DIXDC1: variants seen among roughly 807,000 people sequenced by gnomAD.
DIXDC1 encodes the protein DIX domain containing 1.
A neutral mutation model predicts 103.1 loss-of-function variants in DIXDC1; 64 were observed. The observed-to-expected ratio is 0.62, with a 90% CI of 0.51 to 0.76. The LOEUF (loss-of-function observed/expected upper bound fraction) is 0.76, where lower values mean the gene tolerates loss of function less well. Among genes scored for constraint, DIXDC1 ranks in the 30% least tolerant of loss-of-function variants. DIXDC1 has a pLI of 0.00. For missense variants in DIXDC1, 759 were observed against 834.2 expected (o/e 0.91, Z 1.11); for synonymous variants, 266 against 298.5 (o/e 0.89, Z 1.12).
At chr11:111,935,893 C>G (rs1966172234), upstream of DIXDC1, among the ~76,000 whole-genome samples, 1 of 152,236 alleles carries the variant, frequency 6.6e-6, no homozygotes, top group Admixed American at 6.5e-5. Flanking sequence ...CCCTCTGCCC[C>G]CTGCCTGTTG....
At chr11:112,009,411 C>T (rs1489257983) in intron 17 of DIXDC1, among the ~76,000 whole-genome samples, 2 of 152,170 alleles carry the variant, frequency 1.3e-5, no homozygotes, top group Non-Finnish European at 2.9e-5. Context: ...CCTTCTGAAA[C>T]TATTCCAATC....
At chr11:111,937,167 C>G, upstream of DIXDC1, 1 of 978,786 alleles carries the variant, frequency 1.0e-6, no homozygotes, top group Non-Finnish European at 1.2e-6. Flanking sequence ...GGGCGTGCAG[C>G]GCGCGCCCTC....
At position 111,982,394 on chromosome 11, in the gene DIXDC1, T is replaced by C. The variant is rs1860339762; in HGVS notation, c.825T>C (p.Tyr275=). ...GGCGGCCAGGGAGCCCTGGAACCTA[T>C]CTGGAGACCTCATGGGAAGAACAGC... ...RDWRPGSPGT[Y]LETSWEEQLL... is the part of the protein sequence containing the mutation. The change falls in exon 7 of 20, where the codon TAT becomes TAC. Residue 275 remains tyrosine (Y), a synonymous_variant. Coordinates refer to ENST00000440460, the MANE Select transcript of DIXDC1 (RefSeq NM_001037954.4). The C allele has an allele frequency of 1.9e-6, 3 of 1,613,950 alleles. No individual in the cohort carries two copies. Among genetic ancestry groups the C allele is most frequent in the Middle Eastern group, 1.6e-4 (1 of 6,062 alleles).
chr11:111,986,764 A>G, intron 8 of DIXDC1, 107 bp from the exon 9 acceptor site: 1 of 904,680 alleles, frequency 1.1e-6, no homozygotes, highest in Non-Finnish European at 1.7e-6. Flanking sequence ...CTTTGTATCC[A>G]CAGTACAGAG....
At chr11:112,009,817 A>G (rs782297570) in intron 17 of DIXDC1, among the ~76,000 whole-genome samples, 4 of 152,226 alleles carry the variant, frequency 2.6e-5, no homozygotes, top group Non-Finnish European at 5.9e-5. Flanking sequence ...TCTCAAAATA[A>G]TAAGAGCTAT....
chr11:111,995,242 G>A, intron 15 of DIXDC1, 134 bp downstream of exon 15: 5 of 1,311,542 alleles, frequency 3.8e-6, no homozygotes, highest in Non-Finnish European at 5.3e-6. Flanking sequence ...GTGTAAAGAT[G>A]TGAGGCACTT....
intron 1 of DIXDC1, among the ~76,000 whole-genome samples, chr11:111,929,177 C>T (rs1475445885): frequency 2.0e-5 from 3 of 151,686 alleles, no homozygotes; most frequent in Non-Finnish European, 4.4e-5. Flanking sequence ...AGATTCTGTC[C>T]CCCCAACAAA....
rs782576503 is a variant in DIXDC1 at position 112,018,951 on chromosome 11, T to C, written c.1972-5T>C. 1 of 1,613,050 alleles carries C rather than the reference T, an allele frequency of 6.2e-7. No homozygotes were observed. The highest frequency in any genetic ancestry group is 8.5e-7 in the Non-Finnish European group (1 of 1,179,396). On this transcript the variant is annotated splice_polypyrimidine_tract_variant and splice_region_variant and intron_variant, in intron 19 of 19. Transcript: ENST00000440460. Reference sequence around the variant, plus strand: ...TTCACTGTGGCTTTTTGTTTTTTTCTCTAGATTTTCCATGATGATGATGCC... The same window carrying C: ...TTCACTGTGGCTTTTTGTTTTTTTCCCTAGATTTTCCATGATGATGATGCC...
chr11:111,988,977 A>G (rs375931204), intron 9 of DIXDC1, 28 bp from the exon 10 acceptor site: 3 of 1,603,232 alleles, frequency 1.9e-6, no homozygotes, highest in African/African-American at 1.3e-5. Context: ...AGATGTCACC[A>G]TCTGATCTAA....
chr11:111,949,960 T>C (rs587740389), intron 1 of DIXDC1, among the ~76,000 whole-genome samples: 2 of 152,274 alleles, frequency 1.3e-5, no homozygotes, highest in Admixed American at 1.3e-4. Context: ...GCAATCACTT[T>C]GTGTCCGTTA....
intron 17 of DIXDC1, among the ~76,000 whole-genome samples, chr11:112,010,433 A>G (rs1276882106): frequency 1.3e-5 from 2 of 152,228 alleles, no homozygotes; most frequent in Non-Finnish European, 2.9e-5. Flanking sequence ...TGTCTTCTTC[A>G]CAGAATTGGA....
chr11:112,016,652 C>CT, intron 17 of DIXDC1, 39 bp from the exon 18 acceptor site: 1 of 1,514,078 alleles, frequency 6.6e-7, no homozygotes, highest in Non-Finnish European at 8.9e-7. Flanking sequence ...TGGTTTAGAG[C>CT]AAATGAATGT....
chr11:111,992,499 G>A lies in DIXDC1; in HGVS notation c.1198G>A (p.Asp400Asn), dbSNP rs1193367649. The change falls in exon 11 of 20, where the codon GAT becomes AAT. Residue 400 changes from aspartate (D) to asparagine (N), a missense_variant. This residue lies in a region of DIXDC1 where 657 missense variants were observed against 727.5 expected (regional missense o/e 0.90). Coordinates refer to ENST00000440460, the MANE Select transcript of DIXDC1 (RefSeq NM_001037954.4). ...QELLRANMDK[D>N]ELHNQNVDLQ... Reference sequence around the variant, plus strand: ...GCTACTGAGGGCAAATATGGACAAAGATGAGCTGCACAACCAGAATGTGAG... The same window carrying A: ...GCTACTGAGGGCAAATATGGACAAAAATGAGCTGCACAACCAGAATGTGAG... 1 of 1,568,848 alleles carries A rather than the reference G, an allele frequency of 6.4e-7. No homozygotes were observed. The highest frequency in any genetic ancestry group is 1.4e-5 in the African/African-American group (1 of 73,894).
intron 17 of DIXDC1, among the ~76,000 whole-genome samples, chr11:112,004,026 T>TTATATA (rs34490826): frequency 4.9e-4 from 63 of 128,500 alleles, no homozygotes; most frequent in African/African-American, 1.2e-3. Context: ...AAAAAAAAAA[T>TTATATA]TATATATATA....
At chr11:111,997,730 TC>T (rs1471606097) in intron 17 of DIXDC1, among the ~76,000 whole-genome samples, 5 of 151,696 alleles carry the variant, frequency 3.3e-5, no homozygotes, top group South Asian at 2.1e-4. Context: ...TACAATAAAT[TC>T]CCCCCCAAAA....
chr11:111,990,306 G>T (rs1860661739), intron 10 of DIXDC1, among the ~76,000 whole-genome samples: 1 of 149,222 alleles, frequency 6.7e-6, no homozygotes, highest in South Asian at 2.1e-4. Flanking sequence ...GGCCAGGCTG[G>T]TCTTGAACTC....
At position 111,974,147 on chromosome 11, in the gene DIXDC1, C is replaced by T. The variant is rs1193870528; in HGVS notation, c.441C>T (p.His147=). 2 of 1,614,054 alleles carry T rather than the reference C, an allele frequency of 1.2e-6. No individual in the cohort carries two copies. The highest frequency in any genetic ancestry group is 1.7e-6 in the Non-Finnish European group (2 of 1,179,908). The change falls in exon 4 of 20, where the codon CAC becomes CAT. Residue 147 remains histidine (H), a synonymous_variant. Coordinates refer to ENST00000440460, the MANE Select transcript of DIXDC1 (RefSeq NM_001037954.4). ...GRDSRAPLQS[H]RPHCATAVAQ... ...ACTCCAGAGCCCCTCTGCAAAGTCA[C>T]CGACCACACTGTGCCACTGCTGTTG...
intron 5 of DIXDC1, among the ~76,000 whole-genome samples, chr11:111,978,313 AT>A (rs1566518903): frequency 6.6e-6 from 1 of 152,074 alleles, no homozygotes; most frequent in Admixed American, 6.6e-5. Flanking sequence ...GCATTAAAAT[AT>A]TTTTTTCTGA....
chr11:111,974,797 G>A, intron 4 of DIXDC1, 79 bp from the exon 5 acceptor site: 1 of 1,561,284 alleles, frequency 6.4e-7, no homozygotes, highest in Non-Finnish European at 8.7e-7. Context: ...CTCGCAGAGT[G>A]GCAGTCTCTC....
Sources: allele counts gnomAD v4.1 joint callset (sites outside exome capture counted in the v4.1 genomes callset), GRCh38; gene constraint gnomAD v4.1.1; regional missense constraint gnomAD v4.1.1; transcripts MANE v1.5; gene names NCBI Gene and HGNC (gene_info 2026-07-23, HGNC 2026-07-21).